The following CRB1 variants were observed in gnomAD, a reference collection of about 807,000 sequenced individuals.
CRB1 encodes the protein crumbs cell polarity complex component 1, also known as protein crumbs homolog 1.
Under a neutral mutation model 120.0 loss-of-function variants are expected in CRB1, and 83 were observed. That is an observed-to-expected ratio of 0.69 (90% CI 0.58 to 0.83). The LOEUF (loss-of-function observed/expected upper bound fraction) is 0.83, where lower values mean the gene tolerates loss of function less well. CRB1 is among the 40% of genes least tolerant of loss of function. CRB1 has a pLI of 0.00. For synonymous variants in CRB1, 625 were observed against 612.5 expected, an observed-to-expected ratio of 1.02 and a Z score of -0.30; for missense variants, 1,699 against 1,687.6, an observed-to-expected ratio of 1.01 and a Z score of -0.12.
At chr1:197,292,282 A>G (rs888117654) in intron 1 of CRB1, among the ~76,000 whole-genome samples, 1 of 152,210 alleles carries the variant, frequency 6.6e-6, no homozygotes, top group Non-Finnish European at 1.5e-5. Flanking sequence ...AGAGAATACT[A>G]TAAACACCTC....
At chr1:197,233,568 C>T in the CRB1 span, among the ~76,000 whole-genome samples, 1 of 152,214 alleles carries the variant, frequency 6.6e-6, no homozygotes, top group Non-Finnish European at 1.5e-5. Context: ...TGTGAGGGGT[C>T]TGAGCCCTTG....
chr1:197,361,509 TTGCTGTCGTTGGA>T (rs1368559725), intron 5 of CRB1, among the ~76,000 whole-genome samples: 1 of 152,044 alleles, frequency 6.6e-6, no homozygotes, highest in Admixed American at 6.5e-5. Context: ...ATTGTGTATT[TTGCTGTCGTTGGA>T]TGGAGTATTT....
rs554066956 is a variant in CRB1, at chr1:197,425,099, G to A, written c.2129-2355G>A. On this transcript the variant is annotated intron_variant, in intron 6 of 11. Transcript: ENST00000367400. The stretch of plus-strand genomic sequence containing the variant: ...TCCTGGGATGACCAGCAGGCACCCC[G>A]CTACCCCTGAGGTTGAGTGATTCTG... Among the ~76,000 whole-genome samples, 23 of 152,294 alleles carry A rather than the reference G, an allele frequency of 1.5e-4. 1 individual carries two copies. The highest frequency in any genetic ancestry group is 7.8e-4 in the Admixed American group (12 of 15,298).
chr1:197,351,449 T>C (rs1234164593), intron 4 of CRB1, among the ~76,000 whole-genome samples: 2 of 151,460 alleles, frequency 1.3e-5, no homozygotes, highest in Non-Finnish European at 2.9e-5. Flanking sequence ...TTTGAATGAT[T>C]GCAAAAATAC....
At chr1:197,443,825 T>C (rs1167909265) in intron 11 of CRB1, 1 of 152,064 alleles carries the variant, frequency 6.6e-6, no homozygotes, top group Non-Finnish European at 1.5e-5. Flanking sequence ...TTTCTTAATG[T>C]TTTTATTGTT....
intron 5 of CRB1, among the ~76,000 whole-genome samples, chr1:197,367,133 C>T (rs1212463744): frequency 1.3e-5 from 2 of 152,112 alleles, no homozygotes; most frequent in South Asian, 2.1e-4. Flanking sequence ...CAGTCCATTC[C>T]AAAGTCAGTA....
At chr1:197,334,441 A>G (rs1228298738) in intron 2 of CRB1, among the ~76,000 whole-genome samples, 1 of 152,176 alleles carries the variant, frequency 6.6e-6, no homozygotes, top group Non-Finnish European at 1.5e-5. Context: ...TTAGGCCATG[A>G]GGATGGAACC....
upstream of CRB1, among the ~76,000 whole-genome samples, chr1:197,263,464 C>T (rs1157394857): frequency 6.6e-6 from 1 of 152,022 alleles, no homozygotes; most frequent in Non-Finnish European, 1.5e-5. Context: ...AATTTTCTCC[C>T]ATTCTGTATA....
intron 5 of CRB1, among the ~76,000 whole-genome samples, chr1:197,363,173 G>C (rs1660869052): frequency 6.7e-6 from 1 of 148,678 alleles, no homozygotes; most frequent in Non-Finnish European, 1.5e-5. Flanking sequence ...AAATATCCTT[G>C]TTTTGAGGAT....
At chr1:197,309,488 C>G (rs761795018) in intron 1 of CRB1, among the ~76,000 whole-genome samples, 1 of 152,158 alleles carries the variant, frequency 6.6e-6, no homozygotes, top group Non-Finnish European at 1.5e-5. Context: ...GGCGCTGTGG[C>G]TCACGCCTGT....
At chr1:197,284,135 TATG>T (rs1444193555) in intron 1 of CRB1, among the ~76,000 whole-genome samples, 4 of 151,938 alleles carry the variant, frequency 2.6e-5, no homozygotes, top group Admixed American at 2.0e-4. Context: ...TGTGACACTC[TATG>T]ACGTCTTAAC....
intron 5 of CRB1, chr1:197,363,714 G>A (rs925607083): frequency 2.1e-6 from 1 of 485,652 alleles, no homozygotes; most frequent in South Asian, 2.3e-5. Flanking sequence ...GGAACTGTGT[G>A]TGGTTGTTGG....
At chr1:197,314,820 C>G (rs1355003534) in intron 1 of CRB1, among the ~76,000 whole-genome samples, 1 of 152,166 alleles carries the variant, frequency 6.6e-6, no homozygotes, top group East Asian at 1.9e-4. Flanking sequence ...AACTCCAACT[C>G]TCTAATTTCT....
intron 5 of CRB1, among the ~76,000 whole-genome samples, chr1:197,404,414 C>A (rs1663228269): frequency 7.1e-6 from 1 of 140,866 alleles, no homozygotes; most frequent in African/African-American, 2.8e-5. Flanking sequence ...TGCACTCCAG[C>A]CTGGGCGACA....
intron 5 of CRB1, among the ~76,000 whole-genome samples, chr1:197,415,934 G>A (rs1389518585): frequency 5.9e-5 from 9 of 151,990 alleles, no homozygotes; most frequent in Non-Finnish European, 1.2e-4. Flanking sequence ...GAGCCACTGC[G>A]TCCGCCCACA....
At chr1:197,343,121 G>GT (rs879699438) in intron 2 of CRB1, among the ~76,000 whole-genome samples, 3 of 152,116 alleles carry the variant, frequency 2.0e-5, no homozygotes, top group Non-Finnish European at 4.4e-5. Flanking sequence ...GTTGAATCTA[G>GT]TAACAGTTGT....
chr1:197,320,313 A>G (rs181058614), intron 1 of CRB1, among the ~76,000 whole-genome samples: 30 of 152,216 alleles, frequency 2.0e-4, no homozygotes, highest in Non-Finnish European at 5.9e-5. Flanking sequence ...AGCTTTTCCT[A>G]CTCTAACTAA....
Position 197,328,502 on chromosome 1 carries a change from G to T in CRB1, c.151G>T (p.Asp51Tyr). The T allele has an allele frequency of 6.2e-7, 1 of 1,614,136 alleles. No homozygotes were observed. Among genetic ancestry groups the T allele is most frequent in the Non-Finnish European group, 8.5e-7 (1 of 1,180,006 alleles). The change falls in exon 2 of 12, where the codon GAC (aspartate) becomes TAC (tyrosine). Residue 51 changes from aspartate to tyrosine, a missense_variant. Coordinates refer to ENST00000367400, the MANE Select transcript of CRB1 (RefSeq NM_201253.3). ...NNSTCKDFSK[D>Y]NDCSCSDTAN... ...TTCTACATGCAAAGATTTTTCAAAA[G>T]ACAATGATTGTTCTTGTTCAGACAC...
chr1:197,474,641 T>A (rs1433617816), intron 11 of CRB1, among the ~76,000 whole-genome samples: 2 of 152,178 alleles, frequency 1.3e-5, no homozygotes, highest in South Asian at 4.2e-4. Context: ...GTTTACCCAA[T>A]GTAATCAATC....
Sources: gnomAD v4.1 joint callset for allele counts (sites outside exome capture counted in the v4.1 genomes callset) on GRCh38, gnomAD v4.1.1 for gene constraint, MANE v1.5 for transcripts, NCBI Gene and HGNC (gene_info 2026-07-23, HGNC 2026-07-21) for gene names.